MBOAT2: variants seen among roughly 807,000 people sequenced by gnomAD.
MBOAT2 encodes membrane-bound glycerophospholipid O-acyltransferase 2.
A neutral mutation model predicts 63.4 loss-of-function variants in MBOAT2; 28 were observed. The observed-to-expected ratio is 0.44, with a 90% confidence interval of 0.33 to 0.61. MBOAT2 has a LOEUF of 0.61. Among genes scored for constraint, MBOAT2 ranks in the 20% least tolerant of loss-of-function variants. The pLI is 0.03. For missense variants in MBOAT2, 470 were observed against 605.8 expected (o/e 0.78, Z 2.35); for synonymous variants, 211 against 215.6 (o/e 0.98, Z 0.19).
chr2:8,934,013 A>AT (rs1163297034), intron 3 of MBOAT2, among the ~76,000 whole-genome samples: 1 of 152,214 alleles, frequency 6.6e-6, no homozygotes, highest in Non-Finnish European at 1.5e-5. Flanking sequence ...ATACAAAGGA[A>AT]TCTCAATCAC....
rs1037222995 is a variant in MBOAT2 at position 9,003,616 on chromosome 2, G to C, written c.-2C>G. 4.6e-5 allele frequency: 54 copies of C among 1,183,436 alleles called. No homozygotes were observed. The highest frequency in any genetic ancestry group is 5.5e-5 in the Non-Finnish European group (53 of 957,036). The allele number at this position is 1,183,436 out of a possible 1,614,324, so 73.3% of individuals were successfully genotyped here. ...GCCCGTGGTGCTGGTGGTGGCCATG[G>C]CCGGGCCTCGGCGCTCCGGCCGCCC... On this transcript the variant is annotated 5_prime_UTR_variant, in exon 1 of 13. Coordinates refer to ENST00000305997, the MANE Select transcript of MBOAT2 (RefSeq NM_138799.4). The surrounding 1 kb of genome is among the most constrained non-coding windows in gnomAD (Gnocchi z 5.4).
chr2:8,908,848 CTTCT>C (rs1665513687), intron 3 of MBOAT2, 132 bp from the exon 4 acceptor site: 1 of 551,604 alleles, frequency 1.8e-6, no homozygotes. Context: ...TACAAACACC[CTTCT>C]TTAATAAATT....
intron 3 of MBOAT2, among the ~76,000 whole-genome samples, chr2:8,938,376 C>T (rs1667808119): frequency 6.6e-6 from 1 of 152,118 alleles, no homozygotes; most frequent in Non-Finnish European, 1.5e-5. Flanking sequence ...CACGCTCTCT[C>T]TCTAGCATAC....
Position 8,944,004 on chromosome 2 carries a change from C to T in MBOAT2, c.222-740G>A, listed in dbSNP as rs759055208. On this transcript the variant is annotated intron_variant, in intron 2 of 12. Transcript: ENST00000305997. ...TCAGCCTCCCGAGTAGCTGGGATTA[C>T]AGGTGCCCACCACCACACCCAGCTA... Among the ~76,000 whole-genome samples, 37 of 152,120 alleles carry T rather than the reference C, an allele frequency of 2.4e-4. 1 individual carries two copies. Among genetic ancestry groups the T allele is most frequent in the Non-Finnish European group, 4.9e-4 (33 of 68,030 alleles).
chr2:8,963,055 T>C (rs1263007914), intron 1 of MBOAT2, among the ~76,000 whole-genome samples: 2 of 151,946 alleles, frequency 1.3e-5, no homozygotes, highest in Non-Finnish European at 1.5e-5. Flanking sequence ...CTGGGCAACA[T>C]GGTGAAACCC....
chr2:8,974,835 T>G (rs1670708320), intron 1 of MBOAT2, among the ~76,000 whole-genome samples: 1 of 152,154 alleles, frequency 6.6e-6, no homozygotes, highest in Admixed American at 6.5e-5. Flanking sequence ...TTCATCCCAC[T>G]AAATTTTATG....
At chr2:8,951,042 AT>A in intron 2 of MBOAT2, among the ~76,000 whole-genome samples, 1 of 151,920 alleles carries the variant, frequency 6.6e-6, no homozygotes. Flanking sequence ...TTGCTATGGT[AT>A]TTTTGCATCT....
intron 4 of MBOAT2, among the ~76,000 whole-genome samples, chr2:8,895,369 C>T (rs1664372241): frequency 1.3e-5 from 2 of 152,036 alleles, no homozygotes; most frequent in Admixed American, 1.3e-4. Context: ...CTGATTGGTC[C>T]GTTTTACAGA....
At chr2:8,957,513 A>T (rs545406330) in intron 2 of MBOAT2, among the ~76,000 whole-genome samples, 1 of 152,214 alleles carries the variant, frequency 6.6e-6, no homozygotes, top group Non-Finnish European at 1.5e-5. Flanking sequence ...CACAGGCAAA[A>T]ATTAGATTAA....
chr2:8,999,453 C>T (rs899653548), intron 1 of MBOAT2, among the ~76,000 whole-genome samples: 3 of 152,232 alleles, frequency 2.0e-5, no homozygotes, highest in East Asian at 1.9e-4. Context: ...AATGTAATAG[C>T]GTACAGGATA....
intron 1 of MBOAT2, among the ~76,000 whole-genome samples, chr2:8,988,562 AT>A (rs1449197946): frequency 6.6e-6 from 1 of 152,216 alleles, no homozygotes; most frequent in African/African-American, 2.4e-5. Flanking sequence ...TTGAAAGAAC[AT>A]TATATCCTTT....
chr2:8,866,530 G>C (rs1456418036), intron 9 of MBOAT2, among the ~76,000 whole-genome samples: 1 of 152,146 alleles, frequency 6.6e-6, no homozygotes, highest in Non-Finnish European at 1.5e-5. Context: ...TATTTCACCT[G>C]CAATTAGTTC....
At chr2:8,880,997 T>C (rs1157623521) in intron 6 of MBOAT2, among the ~76,000 whole-genome samples, 1 of 152,148 alleles carries the variant, frequency 6.6e-6, no homozygotes, top group Non-Finnish European at 1.5e-5. Context: ...AATGGGGTGA[T>C]GGCCAGAAGG....
chr2:8,896,326 T>A lies in MBOAT2; in HGVS notation c.396-8253A>T, dbSNP rs1000336639. 5.9e-4 allele frequency among the ~76,000 whole-genome samples: 89 copies of A among 150,952 alleles called. 1 individual carries two copies. The highest frequency in any genetic ancestry group is 1.5e-3 in the African/African-American group (62 of 41,048). ...GTAAAGGCCGGGTGGCATCTCGTAA[T>A]ATCCCTGACTGGTTAGTGTAAAAAC... On this transcript the variant is annotated intron_variant, in intron 4 of 12. Transcript: ENST00000305997.
chr2:8,962,449 G>A (rs2103285613), intron 1 of MBOAT2, among the ~76,000 whole-genome samples: 1 of 152,328 alleles, frequency 6.6e-6, no homozygotes, highest in Non-Finnish European at 1.5e-5. Flanking sequence ...TTTGGTTGGT[G>A]AATTGTTAGC....
At chr2:8,859,606 C>G (rs767472650) in intron 12 of MBOAT2, among the ~76,000 whole-genome samples, 3 of 152,126 alleles carry the variant, frequency 2.0e-5, no homozygotes, top group Non-Finnish European at 4.4e-5. Flanking sequence ...TATTTAATGT[C>G]TTCCTGTATA....
At chr2:8,932,760 A>C (rs1325536752) in intron 3 of MBOAT2, among the ~76,000 whole-genome samples, 2 of 152,048 alleles carry the variant, frequency 1.3e-5, no homozygotes, top group Non-Finnish European at 2.9e-5. Flanking sequence ...TAGGAGAAAA[A>C]AAAAAAAACA....
chr2:8,985,385 T>A (rs1671496354), intron 1 of MBOAT2, among the ~76,000 whole-genome samples: 2 of 152,184 alleles, frequency 1.3e-5, no homozygotes, highest in South Asian at 4.1e-4. Flanking sequence ...AAAGATAAAA[T>A]GTGTGACCCC....
chr2:8,899,410 C>T (rs1558589965), intron 4 of MBOAT2, among the ~76,000 whole-genome samples: 2 of 151,548 alleles, frequency 1.3e-5, no homozygotes, highest in Non-Finnish European at 2.9e-5. Flanking sequence ...TGAGGACAGT[C>T]ATCCAGGACA....
Sources: gnomAD v4.1 joint callset for allele counts (sites outside exome capture counted in the v4.1 genomes callset) on GRCh38, gnomAD v4.1.1 for gene constraint, Gnocchi (gnomAD v3.1) non-coding constraint, MANE v1.5 for transcripts, NCBI Gene and HGNC (gene_info 2026-07-23, HGNC 2026-07-21) for gene names.